Variants in GRIN2A observed in about 807,000 individuals in gnomAD.
GRIN2A encodes the protein glutamate receptor ionotropic, NMDA 2A.
Under a neutral mutation model 113.4 loss-of-function variants are expected in GRIN2A, and 22 were observed. The ratio of observed to expected loss-of-function variants is 0.19; its 90% CI spans 0.14 to 0.28. GRIN2A has a LOEUF of 0.28. GRIN2A is among the 10% of genes least tolerant of loss of function. The probability of loss-of-function intolerance (pLI) is 1.00; values close to 1 mark genes in which losing one functional copy is unlikely to be tolerated. For missense variants in GRIN2A, 1,502 were observed against 1,887.0 expected, an observed-to-expected ratio of 0.80 and a Z score of 3.78; for synonymous variants, 827 against 738.4, an observed-to-expected ratio of 1.12 and a Z score of -1.94.
At chr16:9,937,914 G>A in intron 3 of GRIN2A, 45 bp downstream of exon 3, 1 of 1,376,380 alleles carries the variant, frequency 7.3e-7, no homozygotes, top group Non-Finnish European at 1.0e-6. Context: ...AATGACAACA[G>A]CAAAACTCTG....
At chr16:10,064,144 G>C (rs933299505) in intron 2 of GRIN2A, among the ~76,000 whole-genome samples, 1 of 152,166 alleles carries the variant, frequency 6.6e-6, no homozygotes, top group Non-Finnish European at 1.5e-5. Context: ...GAATTGAACT[G>C]ACTTTGTTGG....
intron 3 of GRIN2A, among the ~76,000 whole-genome samples, chr16:9,933,113 T>C (rs2044634543): frequency 6.6e-6 from 1 of 152,244 alleles, no homozygotes; most frequent in African/African-American, 2.4e-5. Flanking sequence ...TTATATAACA[T>C]GGCTGAGCTA....
At chr16:9,780,040 A>T (rs1297133161) in intron 11 of GRIN2A, among the ~76,000 whole-genome samples, 1 of 152,220 alleles carries the variant, frequency 6.6e-6, no homozygotes, top group Non-Finnish European at 1.5e-5. Context: ...GACTGGTGGC[A>T]ACAGCCAACC....
At chr16:10,117,250 T>G in intron 2 of GRIN2A, among the ~76,000 whole-genome samples, 1 of 152,170 alleles carries the variant, frequency 6.6e-6, no homozygotes, top group Admixed American at 6.5e-5. Flanking sequence ...CCCTACATCT[T>G]TTCAGGTTCA....
At chr16:9,817,333 T>G (rs1262237593) in intron 10 of GRIN2A, among the ~76,000 whole-genome samples, 1 of 152,160 alleles carries the variant, frequency 6.6e-6, no homozygotes, top group Non-Finnish European at 1.5e-5. Context: ...CTTATTATAA[T>G]AAAGATTCAC....
chr16:9,803,764 C>A (rs150343736), intron 10 of GRIN2A, among the ~76,000 whole-genome samples: 1 of 152,282 alleles, frequency 6.6e-6, no homozygotes, highest in South Asian at 2.1e-4. Context: ...CCAGCCCATA[C>A]GTGTCAAAAG....
chr16:9,956,783 C>T (rs982319344), intron 2 of GRIN2A, among the ~76,000 whole-genome samples: 5 of 152,128 alleles, frequency 3.3e-5, no homozygotes, highest in African/African-American at 4.8e-5. Flanking sequence ...AAGACTTCTC[C>T]AAACAGGAGA....
rs577077724 is a variant in GRIN2A, at chr16:9,764,505, C to T, written c.3039G>A (p.Leu1013=). The stretch of plus-strand genomic sequence containing the variant: ...GTATGGAATCCACGGATTTCTTCCA[C>T]AGCTGCCGGGGTCTAGAGTTCGCTT... The part of the protein sequence containing the change: ...ESKANSRPRQ[L]WKKSVDSIRQ... Residue 1013 remains leucine, a synonymous_variant, in exon 13 of 13, where the codon CTG becomes CTA. Coordinates refer to ENST00000330684, the MANE Select transcript of GRIN2A (RefSeq NM_001134407.3). 1.2e-5 allele frequency: 20 copies of T among 1,614,146 alleles called. No homozygotes were observed. The African/African-American group carries it at 2.1e-4, about 17-fold the overall frequency.
At chr16:10,132,573 T>C (rs1233043621) in intron 2 of GRIN2A, among the ~76,000 whole-genome samples, 1 of 152,194 alleles carries the variant, frequency 6.6e-6, no homozygotes, top group Non-Finnish European at 1.5e-5. Context: ...ATGCAAGAGC[T>C]AGTCCATAGG....
chr16:9,882,341 A>T (rs1458486294), intron 4 of GRIN2A, among the ~76,000 whole-genome samples: 1 of 152,212 alleles, frequency 6.6e-6, no homozygotes, highest in Non-Finnish European at 1.5e-5. Context: ...CAGACTCAAG[A>T]GAGCAATCAT....
intron 11 of GRIN2A, among the ~76,000 whole-genome samples, chr16:9,776,394 G>A (rs1309483692): frequency 6.6e-6 from 1 of 151,612 alleles, no homozygotes; most frequent in East Asian, 2.0e-4. Context: ...CCAGTCTGTG[G>A]CACAGGTCTT....
intron 2 of GRIN2A, among the ~76,000 whole-genome samples, chr16:9,993,684 A>C (rs1417726687): frequency 6.6e-6 from 1 of 152,228 alleles, no homozygotes; most frequent in East Asian, 1.9e-4. Context: ...TGGGAAACAA[A>C]GACACAGAGG....
At position 9,768,756 on chromosome 16, in the gene GRIN2A, G is replaced by A. The variant is rs147939836; in HGVS notation, c.2595+95C>T. On this transcript the variant is annotated intron_variant, in intron 12 of 12. Coordinates refer to ENST00000330684, the MANE Select transcript of GRIN2A (RefSeq NM_001134407.3). ...TGACATGCCCAAGAAAGGCTGGTAA[G>A]GGGAGGAAGTGCAGACCCCACTGAG... is the stretch of plus-strand genomic sequence containing the variant. 1.8e-5 allele frequency: 15 copies of A among 843,574 alleles called. No individual in the cohort carries two copies. The East Asian group carries it at 2.9e-4, about 16-fold the overall frequency. The allele number at this position is 843,574 out of a possible 1,614,324, so 52.3% of individuals were successfully genotyped here.
chr16:9,818,705 C>T (rs1364126606), intron 10 of GRIN2A, among the ~76,000 whole-genome samples: 1 of 152,082 alleles, frequency 6.6e-6, no homozygotes, highest in Non-Finnish European at 1.5e-5. Flanking sequence ...ATTTATATCT[C>T]AGCATACTTT....
At chr16:9,851,481 A>T (rs2042881504) in intron 4 of GRIN2A, among the ~76,000 whole-genome samples, 1 of 152,272 alleles carries the variant, frequency 6.6e-6, no homozygotes, top group East Asian at 1.9e-4. Context: ...AAACAGAATG[A>T]CTCTTGCCTT....
intron 2 of GRIN2A, among the ~76,000 whole-genome samples, chr16:10,006,516 G>T (rs908460115): frequency 1.3e-5 from 2 of 152,146 alleles, no homozygotes; most frequent in African/African-American, 4.8e-5. Context: ...CATAGTGGGT[G>T]TATATATTTA....
intron 2 of GRIN2A, among the ~76,000 whole-genome samples, chr16:10,128,433 T>C (rs1385373516): frequency 2.0e-5 from 3 of 152,182 alleles, no homozygotes; most frequent in Non-Finnish European, 4.4e-5. Flanking sequence ...GGAGCTGTAA[T>C]ATTAACCTAT....
At chr16:10,141,200 TAA>T (rs2142255155) in intron 2 of GRIN2A, among the ~76,000 whole-genome samples, 1 of 151,646 alleles carries the variant, frequency 6.6e-6, no homozygotes, top group South Asian at 2.1e-4. Context: ...CTCAAAAAAA[TAA>T]AAAATAGGCC....
intron 2 of GRIN2A, among the ~76,000 whole-genome samples, chr16:10,088,527 G>A (rs1472538663): frequency 6.6e-6 from 1 of 152,242 alleles, no homozygotes; most frequent in Non-Finnish European, 1.5e-5. Flanking sequence ...TGCTCCACAA[G>A]ATCAGCGTCT....
Sources: gnomAD v4.1 joint callset for allele counts (sites outside exome capture counted in the v4.1 genomes callset) on GRCh38, gnomAD v4.1.1 for gene constraint, MANE v1.5 for transcripts, NCBI Gene and HGNC (gene_info 2026-07-23, HGNC 2026-07-21) for gene names.